The following HMG20A variants were observed in gnomAD, a reference collection of about 807,000 sequenced individuals.
HMG20A encodes high mobility group protein 20A.
Under a neutral mutation model 43.9 loss-of-function variants are expected in HMG20A, and 17 were observed. That is an observed-to-expected ratio of 0.39 (90% CI 0.27 to 0.58). HMG20A has a LOEUF of 0.58. HMG20A is among the 20% of genes least tolerant of loss of function. HMG20A has a pLI of 0.59. For missense variants in HMG20A, 341 were observed against 438.2 expected, an observed-to-expected ratio of 0.78 and a Z score of 1.98; for synonymous variants, 132 against 147.5, an observed-to-expected ratio of 0.89 and a Z score of 0.76.
At chr15:77,460,039 C>G (rs1165690238) in intron 2 of HMG20A, among the ~76,000 whole-genome samples, 2 of 152,128 alleles carry the variant, frequency 1.3e-5, no homozygotes, top group Non-Finnish European at 2.9e-5. Context: ...TTTATAAGAT[C>G]CCTCTGACTG....
At position 77,467,313 on chromosome 15, in the gene HMG20A, T is replaced by G. The variant is rs2072765744; in HGVS notation, c.450+6T>G. 6.2e-7 allele frequency: 1 copy of G among 1,601,012 alleles called. No individual in the cohort carries two copies. Among genetic ancestry groups the G allele is most frequent in the African/African-American group, 1.3e-5 (1 of 74,608 alleles). On this transcript the variant is annotated splice_donor_region_variant and intron_variant, in intron 4 of 9. Transcript: ENST00000336216. ...TGCCTCCTGAGGAAAAACAGGTAAT[T>G]GTTCCTATTCCTGACTCTTTGTTTG... is the stretch of plus-strand genomic sequence containing the variant.
the HMG20A span, among the ~76,000 whole-genome samples, chr15:77,509,555 CGTGTGTGTGTGTGTGTGTGTGTGTGT>C: frequency 1.5e-4 from 17 of 115,472 alleles, no homozygotes; most frequent in East Asian, 2.8e-3. Context: ...TGTGCCCAGC[CGTGTGTGTGTGTGTGTGTGTGTGTGT>C]GTGTGTGTGT....
chr15:77,441,420 A>G (rs1230517817), intron 1 of HMG20A, among the ~76,000 whole-genome samples: 1 of 152,138 alleles, frequency 6.6e-6, no homozygotes, highest in Non-Finnish European at 1.5e-5. Flanking sequence ...CTAGTTTGTT[A>G]GTGTTTCTAG....
intron 6 of HMG20A, 60 bp from the exon 7 acceptor site, chr15:77,477,495 C>A: frequency 8.7e-7 from 1 of 1,155,872 alleles, no homozygotes; most frequent in Non-Finnish European, 1.3e-6. Flanking sequence ...TGTCTTCAGG[C>A]ACTATTATTT....
intron 2 of HMG20A, among the ~76,000 whole-genome samples, chr15:77,459,365 A>G (rs2072685071): frequency 6.6e-6 from 1 of 152,248 alleles, no homozygotes; most frequent in Non-Finnish European, 1.5e-5. Context: ...GATAGAAAGC[A>G]TTGATCAAAA....
the HMG20A span, among the ~76,000 whole-genome samples, chr15:77,512,459 G>T: frequency 6.6e-6 from 1 of 151,190 alleles, no homozygotes; most frequent in African/African-American, 2.4e-5. Context: ...GAAAAAAAAG[G>T]ACACAACAGC....
chr15:77,497,684 T>A, the HMG20A span, among the ~76,000 whole-genome samples: 7,876 of 39,042 alleles, frequency 0.2, 469 homozygotes, highest in African/African-American at 0.37. Flanking sequence ...AGAGAGAGAG[T>A]GTGTGTGTGT....
rs200129469 is a variant in HMG20A, at chr15:77,478,433, G to A, written c.830G>A (p.Arg277His). ...LEVDVIQERS[R>H]NTVLQQHLET... ...GTGGATGTGATCCAGGAGCGGAGCC[G>A]CAACACAGTCTTACAGCAGCACCTG... Residue 277 changes from arginine to histidine, a missense_variant, in exon 8 of 10, where the codon CGC (arginine) becomes CAC (histidine). Arg to His is a conservative substitution (Grantham distance 29). Transcript: ENST00000336216. 1.7e-5 allele frequency: 27 copies of A among 1,612,660 alleles called. No homozygotes were observed. The highest frequency in any genetic ancestry group is 7.7e-5 in the South Asian group (7 of 91,014).
At chr15:77,489,726 C>T (rs1345368464), downstream of HMG20A, among the ~76,000 whole-genome samples, 1 of 152,288 alleles carries the variant, frequency 6.6e-6, no homozygotes, top group Admixed American at 6.5e-5. Flanking sequence ...AAGGAGCCAG[C>T]CCGGTGAAGG....
intron 2 of HMG20A, among the ~76,000 whole-genome samples, chr15:77,458,976 TAA>T (rs1485422700): frequency 6.6e-6 from 1 of 152,216 alleles, no homozygotes; most frequent in African/African-American, 2.4e-5. Context: ...GACAAATATT[TAA>T]AGAGATATAG....
the HMG20A span, among the ~76,000 whole-genome samples, chr15:77,518,807 C>A: frequency 6.6e-6 from 1 of 152,344 alleles, no homozygotes; most frequent in East Asian, 1.9e-4. Flanking sequence ...ACTCCTCCCA[C>A]AGGCTGTCCA....
At position 77,467,099 on chromosome 15, in the gene HMG20A, G is replaced by A. The variant is rs140478022; in HGVS notation, c.242G>A (p.Arg81Gln). The change falls in exon 4 of 10, where the codon CGA becomes CAA. Residue 81 changes from arginine to glutamine, a missense_variant. Around this residue, in one of 3 missense-constraint regions of HMG20A, gnomAD observed 220 missense variants for 263.6 expected, o/e 0.83. Transcript: ENST00000336216. Reference sequence around the variant, plus strand: ...TTATTTTGTTTTGTTTTGTAGCAACGAAGTAAACGAGGAGGTTGGTCCAAA... The same window carrying A: ...TTATTTTGTTTTGTTTTGTAGCAACAAAGTAAACGAGGAGGTTGGTCCAAA... Reference protein sequence around the residue: ...GNEQRHEDEQRSKRGGWSKGR... With the variant: ...GNEQRHEDEQQSKRGGWSKGR... 108 of 1,611,610 alleles carry A rather than the reference G, an allele frequency of 6.7e-5. No individual in the cohort carries two copies. Among genetic ancestry groups the A allele is most frequent in the Admixed American group, 2.8e-4 (17 of 59,692 alleles).
intron 2 of HMG20A, among the ~76,000 whole-genome samples, chr15:77,461,789 T>G (rs1394274408): frequency 6.6e-6 from 1 of 152,174 alleles, no homozygotes; most frequent in Non-Finnish European, 1.5e-5. Context: ...AAAATAAGAA[T>G]TTACAAGAAT....
the HMG20A span, among the ~76,000 whole-genome samples, chr15:77,493,750 A>G: frequency 6.6e-6 from 1 of 152,144 alleles, no homozygotes; most frequent in South Asian, 2.1e-4. Context: ...GGGAGGCAGG[A>G]GGGAGAGAGC....
chr15:77,420,892 G>T lies in HMG20A; in HGVS notation c.-117G>T. 7.5e-6 allele frequency: 3 copies of T among 398,836 alleles called. No homozygotes were observed. Among genetic ancestry groups the T allele is most frequent in the Non-Finnish European group, 1.3e-5 (3 of 226,184 alleles). 24.7% of individuals were successfully genotyped at this position (398,836 alleles called of 1,614,324 possible). A position where few individuals can be genotyped will look rare whatever the true frequency, so the allele number is the denominator to read the frequency against. The stretch of plus-strand genomic sequence containing the variant: ...GCTGCGGAAGAATTTTTGTCCAGCT[G>T]TGAGACGACGAGTGCGTGAAGTGAA... On this transcript the variant is annotated 5_prime_UTR_variant, in exon 1 of 10. Coordinates refer to ENST00000336216, the MANE Select transcript of HMG20A (RefSeq NM_001304504.2).
chr15:77,505,112 G>C, the HMG20A span, among the ~76,000 whole-genome samples: 24 of 152,304 alleles, frequency 1.6e-4, no homozygotes, highest in African/African-American at 5.3e-4. Flanking sequence ...TTGAGGCCTT[G>C]GTTTCCCCCA....
intron 1 of HMG20A, among the ~76,000 whole-genome samples, chr15:77,443,539 C>T (rs1217258940): frequency 6.0e-5 from 9 of 149,866 alleles, no homozygotes; most frequent in African/African-American, 2.0e-4. Context: ...TTACAGGCGC[C>T]CACCACCATG....
At chr15:77,502,478 C>T in the HMG20A span, among the ~76,000 whole-genome samples, 1 of 152,176 alleles carries the variant, frequency 6.6e-6, no homozygotes, top group African/African-American at 2.4e-5. Flanking sequence ...AGTGGTTTCT[C>T]GTCCTTCTCC....
At chr15:77,460,356 T>G (rs1206234884) in intron 2 of HMG20A, among the ~76,000 whole-genome samples, 1 of 152,176 alleles carries the variant, frequency 6.6e-6, no homozygotes. Context: ...CAAAGGCAAC[T>G]CAAAAGTTTT....
Sources: gnomAD v4.1 joint callset for allele counts (sites outside exome capture counted in the v4.1 genomes callset) on GRCh38, gnomAD v4.1.1 for gene constraint, gnomAD v4.1.1 regional missense constraint, MANE v1.5 for transcripts, NCBI Gene and HGNC (gene_info 2026-07-23, HGNC 2026-07-21) for gene names.